LRRTM4: variants seen among roughly 807,000 people sequenced by gnomAD.
The protein encoded by LRRTM4 is leucine rich repeat transmembrane neuronal 4.
A neutral mutation model predicts 47.6 loss-of-function variants in LRRTM4; 25 were observed. The ratio of observed to expected loss-of-function variants is 0.53; its 90% CI spans 0.38 to 0.73. LRRTM4 has a LOEUF of 0.73. LRRTM4 is among the 30% of genes least tolerant of loss of function. The pLI is 0.00. For synonymous variants in LRRTM4, 311 were observed against 269.5 expected (o/e 1.15, Z -1.51); for missense variants, 638 against 713.4 (o/e 0.89, Z 1.20).
intron 3 of LRRTM4, among the ~76,000 whole-genome samples, chr2:77,020,505 C>T (rs886255309): frequency 1.3e-5 from 2 of 152,154 alleles, no homozygotes; most frequent in Non-Finnish European, 2.9e-5. Context: ...TGTTGTCCCT[C>T]TAACCCTCTA....
chr2:76,827,703 A>T (rs1011374577), intron 3 of LRRTM4, among the ~76,000 whole-genome samples: 1 of 151,918 alleles, frequency 6.6e-6, no homozygotes, highest in Admixed American at 6.6e-5. Context: ...AGGTCAATAT[A>T]TTGAGTACTG....
chr2:77,373,147 A>T (rs1672714742), intron 3 of LRRTM4, among the ~76,000 whole-genome samples: 1 of 148,848 alleles, frequency 6.7e-6, no homozygotes, highest in South Asian at 2.1e-4. Context: ...TAAACTCAAA[A>T]ACAAAAACTA....
intron 3 of LRRTM4, among the ~76,000 whole-genome samples, chr2:76,911,213 C>T (rs10189940): frequency 0.2 from 31,078 of 152,046 alleles, 4,604 homozygotes; most frequent in East Asian, 0.59. Context: ...AAACCTTTGA[C>T]AAGAATTATT....
intron 3 of LRRTM4, among the ~76,000 whole-genome samples, chr2:76,876,098 G>A (rs1263612544): frequency 2.6e-5 from 4 of 152,042 alleles, no homozygotes; most frequent in African/African-American, 9.7e-5. Flanking sequence ...GTTTTCCCTT[G>A]AGGTAAGAAT....
At chr2:77,102,283 C>T (rs1287034571) in intron 3 of LRRTM4, among the ~76,000 whole-genome samples, 1 of 152,178 alleles carries the variant, frequency 6.6e-6, no homozygotes, top group African/African-American at 2.4e-5. Context: ...TTACGTGTTG[C>T]TTCCCCATTC....
intron 3 of LRRTM4, among the ~76,000 whole-genome samples, chr2:77,123,244 A>AGAGAGAGAGAGAGAGAGAGAGAG (rs1553393782): frequency 3.3e-5 from 5 of 151,336 alleles, no homozygotes; most frequent in African/African-American, 1.2e-4. Context: ...AGAGAGAGAG[A>AGAGAGAGAGAGAGAGAGAGAGAG]AATTTAATTC....
intron 3 of LRRTM4, among the ~76,000 whole-genome samples, chr2:76,816,825 T>TG (rs1436907095): frequency 3.3e-5 from 1 of 30,314 alleles, no homozygotes; most frequent in South Asian, 1.9e-3. Flanking sequence ...AAGAGTTTTT[T>TG]TTTTTTTTTT....
chr2:76,835,758 T>A (rs765713250), intron 3 of LRRTM4, among the ~76,000 whole-genome samples: 4 of 152,060 alleles, frequency 2.6e-5, no homozygotes, highest in Non-Finnish European at 4.4e-5. Flanking sequence ...TAAGGAAGGT[T>A]ACCTCAGTGG....
intron 3 of LRRTM4, among the ~76,000 whole-genome samples, chr2:77,413,590 C>A (rs1674522593): frequency 6.6e-6 from 1 of 152,090 alleles, no homozygotes; most frequent in Admixed American, 6.6e-5. Context: ...AAAATTTTAC[C>A]TAAATGTAAC....
intron 3 of LRRTM4, among the ~76,000 whole-genome samples, chr2:77,233,679 A>C (rs796605495): frequency 1.6e-4 from 24 of 152,318 alleles, no homozygotes; most frequent in African/African-American, 5.5e-4. Flanking sequence ...AAAACATTCT[A>C]TTTAAAGTGT....
intron 3 of LRRTM4, chr2:76,773,180 T>C (rs978084991): frequency 6.6e-6 from 1 of 152,214 alleles, no homozygotes; most frequent in Non-Finnish European, 1.5e-5. Context: ...GGCGCCTCTA[T>C]CTTCCAGTCT....
intron 3 of LRRTM4, among the ~76,000 whole-genome samples, chr2:76,801,823 A>G (rs1675707268): frequency 6.6e-6 from 1 of 152,290 alleles, no homozygotes; most frequent in Non-Finnish European, 1.5e-5. Flanking sequence ...TCAACATACC[A>G]AAATGTATAA....
intron 3 of LRRTM4, among the ~76,000 whole-genome samples, chr2:77,193,951 G>C (rs1268677432): frequency 6.6e-6 from 1 of 152,100 alleles, no homozygotes. Context: ...GGAATTTAAC[G>C]GGTTAATTTA....
intron 3 of LRRTM4, among the ~76,000 whole-genome samples, chr2:76,824,108 C>T (rs555694879): frequency 3.4e-4 from 51 of 151,532 alleles, no homozygotes; most frequent in African/African-American, 1.1e-3. Context: ...TTGTAGATAT[C>T]TCATAGTAAC....
At chr2:76,979,031 A>G (rs1030384598) in intron 3 of LRRTM4, among the ~76,000 whole-genome samples, 10 of 151,994 alleles carry the variant, frequency 6.6e-5, no homozygotes, top group Non-Finnish European at 1.0e-4. Flanking sequence ...GGACTTTGTT[A>G]TTTTCCACCA....
chr2:76,927,650 C>A (rs998743264), intron 3 of LRRTM4, among the ~76,000 whole-genome samples: 12 of 152,236 alleles, frequency 7.9e-5, no homozygotes, highest in African/African-American at 2.9e-4. Flanking sequence ...TCCTAATTAA[C>A]AAACTAAGAG....
intron 3 of LRRTM4, among the ~76,000 whole-genome samples, chr2:77,339,540 G>T (rs776365945): frequency 6.6e-6 from 1 of 151,978 alleles, no homozygotes; most frequent in African/African-American, 2.4e-5. Context: ...GATTGATAAT[G>T]CATATATTAG....
chr2:77,079,047 C>T (rs760116137), intron 3 of LRRTM4, among the ~76,000 whole-genome samples: 4 of 152,156 alleles, frequency 2.6e-5, no homozygotes, highest in Admixed American at 1.3e-4. Flanking sequence ...TAACACTTCC[C>T]CCAAAGCTCC....
chr2:77,164,187 A>C (rs1338592349), intron 3 of LRRTM4, among the ~76,000 whole-genome samples: 1 of 152,184 alleles, frequency 6.6e-6, no homozygotes, highest in African/African-American at 2.4e-5. Context: ...CAGACTTTAA[A>C]CCAACAAAGA....
Sources: allele counts gnomAD v4.1 joint callset (sites outside exome capture counted in the v4.1 genomes callset), GRCh38; gene constraint gnomAD v4.1.1; transcripts MANE v1.5; gene names NCBI Gene and HGNC (gene_info 2026-07-23, HGNC 2026-07-21).